PCDHA1: variants seen among roughly 807,000 people sequenced by gnomAD.
PCDHA1 encodes the protein protocadherin alpha 1.
A neutral mutation model predicts 61.3 loss-of-function variants in PCDHA1; 42 were observed. That is an observed-to-expected ratio of 0.69 (90% CI 0.54 to 0.89). The LOEUF (loss-of-function observed/expected upper bound fraction) is 0.89. Among genes scored for constraint, PCDHA1 ranks in the 40% least tolerant of loss-of-function variants. The probability of loss-of-function intolerance (pLI) is 0.00; values close to 1 mark genes in which losing one functional copy is unlikely to be tolerated. For missense variants in PCDHA1, 1,256 were observed against 1,235.3 expected (o/e 1.02, Z -0.25); for synonymous variants, 610 against 553.8 (o/e 1.10, Z -1.43).
intron 1 of PCDHA1, among the ~76,000 whole-genome samples, chr5:140,919,657 A>G (rs1341455821): frequency 3.9e-5 from 6 of 152,258 alleles, no homozygotes; most frequent in Non-Finnish European, 8.8e-5. Flanking sequence ...AGTTTACCAT[A>G]TATATTTTAG....
intron 1 of PCDHA1, among the ~76,000 whole-genome samples, chr5:140,818,508 G>T (rs1766375176): frequency 6.6e-6 from 1 of 152,176 alleles, no homozygotes; most frequent in East Asian, 1.9e-4. Flanking sequence ...TTTAAAATCA[G>T]ATATAACCTG....
chr5:140,969,508 A>C, intron 1 of PCDHA1: 2 of 1,424,370 alleles, frequency 1.4e-6, no homozygotes, highest in South Asian at 1.5e-5. Context: ...GAAAAATAGC[A>C]CTAAAGAATT....
rs202125503 is a variant in PCDHA1 at position 140,834,460 on chromosome 5, C to A, written c.2394+45776C>A. 5.3e-5 allele frequency: 84 copies of A among 1,589,840 alleles called. No homozygotes were observed. Among genetic ancestry groups the A allele is most frequent in the Middle Eastern group, 1.7e-4 (1 of 5,902 alleles). On this transcript the variant is annotated intron_variant, in intron 1 of 3. Transcript: ENST00000504120. ...ATTATAATTCTAGCAGCTTGGGAGG[C>A]AGGGAGAGGCCAGCTCCACTACTCG... is the stretch of plus-strand genomic sequence containing the variant.
At chr5:140,852,952 C>A in intron 1 of PCDHA1, 1 of 475,904 alleles carries the variant, frequency 2.1e-6, no homozygotes, top group Non-Finnish European at 2.8e-6. Context: ...CATCTTGGCT[C>A]ACTCCAAGCT....
intron 1 of PCDHA1, chr5:140,853,127 C>T (rs1172864205): frequency 3.4e-6 from 2 of 580,724 alleles, no homozygotes; most frequent in Non-Finnish European, 4.4e-6. Flanking sequence ...GATCCTCCCG[C>T]CTCAGCCTCC....
chr5:140,804,025 T>C (rs2149975978), intron 1 of PCDHA1: 1 of 201,702 alleles, frequency 5.0e-6, no homozygotes, highest in South Asian at 1.1e-4. Flanking sequence ...TTTTATGAGT[T>C]CACCTAATGC....
chr5:140,820,952 GT>G (rs1554127955), intron 1 of PCDHA1, among the ~76,000 whole-genome samples: 2 of 151,916 alleles, frequency 1.3e-5, no homozygotes, highest in African/African-American at 4.8e-5. Context: ...CCCCATTACA[GT>G]TTTTGAGTCA....
intron 1 of PCDHA1, chr5:140,861,550 T>G: frequency 2.4e-6 from 1 of 415,394 alleles, no homozygotes; most frequent in South Asian, 2.1e-5. Flanking sequence ...CACCTGGAAG[T>G]GATCGTGGAC....
intron 1 of PCDHA1, chr5:140,807,126 A>T: frequency 6.4e-7 from 1 of 1,551,116 alleles, no homozygotes; most frequent in Non-Finnish European, 8.7e-7. Context: ...CTGACCGATT[A>T]AAAGATTTCC....
At chr5:140,835,918 C>T (rs1554135453) in intron 1 of PCDHA1, 3 of 1,612,332 alleles carry the variant, frequency 1.9e-6, no homozygotes, top group Non-Finnish European at 2.5e-6. Flanking sequence ...TCAGTGCACG[C>T]GGAGAGCGGC....
At chr5:140,884,312 G>A in intron 1 of PCDHA1, 1 of 1,613,768 alleles carries the variant, frequency 6.2e-7, no homozygotes, top group Non-Finnish European at 8.5e-7. Context: ...TTCGTCGAGG[G>A]CGTCGGCAGG....
chr5:140,848,002 AG>A, intron 1 of PCDHA1: 1 of 156,592 alleles, frequency 6.4e-6, no homozygotes, highest in Admixed American at 6.0e-5. Flanking sequence ...CCAGAACAAA[AG>A]AATTTTGTAA....
chr5:140,957,736 C>T (rs1001757062), intron 1 of PCDHA1, among the ~76,000 whole-genome samples: 3 of 151,944 alleles, frequency 2.0e-5, no homozygotes, highest in Non-Finnish European at 4.4e-5. Context: ...ATTATATATA[C>T]TGACATGAAA....
In PCDHA1 at chr5:140,853,541, G is replaced by C. The variant is rs1554146703; in HGVS notation, c.2394+64857G>C. On this transcript the variant is annotated intron_variant, in intron 1 of 3. Coordinates refer to ENST00000504120, the MANE Select transcript of PCDHA1 (RefSeq NM_018900.4). Reference sequence around the variant, plus strand: ...CTCCTCCTATGTCTCTTTTCAAGTTGTAATTACTATATAGGAAAAACTAAG... The same window carrying C: ...CTCCTCCTATGTCTCTTTTCAAGTTCTAATTACTATATAGGAAAAACTAAG... 3 of 979,204 alleles carry C rather than the reference G, an allele frequency of 3.1e-6. 1 individual carries two copies. The highest frequency in any genetic ancestry group is 3.7e-6 in the Non-Finnish European group (3 of 812,050). 60.7% of individuals were successfully genotyped at this position (979,204 alleles called of 1,614,324 possible). A position where few individuals can be genotyped will look rare whatever the true frequency, so the allele number is the denominator to read the frequency against.
intron 1 of PCDHA1, chr5:140,801,409 A>G (rs1762701855): frequency 1.2e-6 from 2 of 1,613,626 alleles, no homozygotes; most frequent in African/African-American, 1.3e-5. Flanking sequence ...TCCAAAAGAC[A>G]CGGGGACCTT....
intron 3 of PCDHA1, among the ~76,000 whole-genome samples, chr5:140,992,926 A>C (rs2097533873): frequency 6.6e-6 from 1 of 152,226 alleles, no homozygotes; most frequent in African/African-American, 2.4e-5. Context: ...CCATACTTAC[A>C]GCAGCTCTGA....
At chr5:140,866,470 A>T (rs955596608) in intron 1 of PCDHA1, 1 of 152,128 alleles carries the variant, frequency 6.6e-6, no homozygotes, top group Non-Finnish European at 1.5e-5. Flanking sequence ...AGCTCATAAC[A>T]ACTGACAAAT....
Position 140,967,580 on chromosome 5 carries a change from C to T in PCDHA1, c.2395-11369C>T, listed in dbSNP as rs201304400. 42 of 1,614,122 alleles carry T rather than the reference C, an allele frequency of 2.6e-5. No homozygotes were observed. The East Asian group carries it at 4.7e-4, about 18-fold the overall frequency. ...CGTCCAGCTACGGGAGGACTCACCC[C>T]CAGGCACATTGGTGGTGAAGCTGAA... On this transcript the variant is annotated intron_variant, in intron 1 of 3. Transcript: ENST00000504120.
chr5:140,842,491 GCCCCATGT>G (rs1428836968), intron 1 of PCDHA1: 1 of 1,613,778 alleles, frequency 6.2e-7, no homozygotes, highest in African/African-American at 1.3e-5. Context: ...GCTCCCTGAT[GCCCCATGT>G]CCCCTTCAAG....
Sources: gnomAD v4.1 joint callset for allele counts (sites outside exome capture counted in the v4.1 genomes callset) on GRCh38, gnomAD v4.1.1 for gene constraint, MANE v1.5 for transcripts, NCBI Gene and HGNC (gene_info 2026-07-23, HGNC 2026-07-21) for gene names.